GTF2F2: variants seen among roughly 807,000 people sequenced by gnomAD.
GTF2F2 encodes general transcription factor IIF subunit 2, also known as ATP-dependent helicase GTF2F2.
GTF2F2 carries 23 observed loss-of-function variants against 42.2 expected under a neutral mutation model. The ratio of observed to expected loss-of-function variants is 0.55; its 90% CI spans 0.39 to 0.77. GTF2F2 has a LOEUF of 0.77. Ranked by LOEUF, GTF2F2 falls within the 30% of genes least tolerant of loss-of-function variation. The pLI is 0.00. For synonymous variants in GTF2F2, 105 were observed against 100.8 expected, an observed-to-expected ratio of 1.04 and a Z score of -0.25; for missense variants, 261 against 287.2, an observed-to-expected ratio of 0.91 and a Z score of 0.66.
At chr13:45,262,772 C>T (rs1010373004) in intron 6 of GTF2F2, among the ~76,000 whole-genome samples, 2 of 152,020 alleles carry the variant, frequency 1.3e-5, no homozygotes, top group African/African-American at 4.8e-5. Context: ...GACAGAATCT[C>T]ACTCTGTTGC....
intron 4 of GTF2F2, among the ~76,000 whole-genome samples, chr13:45,161,493 GA>G (rs1475564331): frequency 6.6e-6 from 1 of 152,168 alleles, no homozygotes; most frequent in Non-Finnish European, 1.5e-5. Flanking sequence ...CTTCTTAGGG[GA>G]ACCTCATGCG....
At chr13:45,149,408 G>A (rs1371615905) in intron 2 of GTF2F2, among the ~76,000 whole-genome samples, 1 of 147,680 alleles carries the variant, frequency 6.8e-6, no homozygotes, top group Non-Finnish European at 1.5e-5. Context: ...GGGCCACTGT[G>A]GTTGATAGAG....
intron 1 of GTF2F2, among the ~76,000 whole-genome samples, chr13:45,135,041 C>T (rs913239370): frequency 2.0e-4 from 31 of 152,010 alleles, no homozygotes; most frequent in African/African-American, 7.3e-4. Flanking sequence ...GCAACCTCCA[C>T]CTCCTGGGTT....
intron 4 of GTF2F2, among the ~76,000 whole-genome samples, chr13:45,192,593 T>C (rs1872704391): frequency 6.6e-6 from 1 of 152,206 alleles, no homozygotes; most frequent in Non-Finnish European, 1.5e-5. Flanking sequence ...ACAAGTGAAA[T>C]GATTTAGCTG....
chr13:45,190,683 G>T (rs1423191294), intron 4 of GTF2F2, among the ~76,000 whole-genome samples: 2 of 152,114 alleles, frequency 1.3e-5, no homozygotes, highest in Non-Finnish European at 2.9e-5. Flanking sequence ...CTTAATAAAT[G>T]TTAGCTTTTT....
intron 5 of GTF2F2, among the ~76,000 whole-genome samples, chr13:45,210,818 A>G (rs977449544): frequency 6.6e-6 from 1 of 152,198 alleles, no homozygotes; most frequent in Non-Finnish European, 1.5e-5. Context: ...GAAAAATTTT[A>G]AGCTGGGTGG....
rs1361921812 is a variant in GTF2F2, at chr13:45,284,491, C to T, written c.*930C>T. The T allele has an allele frequency of 6.6e-6, 1 of 152,052 alleles. No individual in the cohort carries two copies. Among genetic ancestry groups the T allele is most frequent in the African/African-American group, 2.4e-5 (1 of 41,390 alleles). The allele number at this position is 152,052 out of a possible 1,614,324, so 9.4% of individuals were successfully genotyped here. A position where few individuals can be genotyped will look rare whatever the true frequency, so the allele number is the denominator to read the frequency against. On this transcript the variant is annotated 3_prime_UTR_variant, in exon 8 of 8. Transcript: ENST00000340473. ...ACATGTATATGTTAGTTTTTTCTAG[C>T]ACAACACAATATTATATATTAAGCG...
Position 45,283,628 on chromosome 13 carries a change from G to A in GTF2F2, c.*67G>A. ...ATGCTATGCAAAAGGCGCTGATACT[G>A]GAAGGCTTGAACACCGTATGTTAAT... On this transcript the variant is annotated 3_prime_UTR_variant, in exon 8 of 8. Transcript: ENST00000340473. 3.5e-6 allele frequency: 5 copies of A among 1,438,630 alleles called. No individual in the cohort carries two copies. Among genetic ancestry groups the A allele is most frequent in the Non-Finnish European group, 4.6e-6 (5 of 1,075,610 alleles). 89.1% of individuals were successfully genotyped at this position (1,438,630 alleles called of 1,614,324 possible).
In GTF2F2 at chr13:45,181,196, A is replaced by C. The variant is rs569976545; in HGVS notation, c.305-26228A>C. Among the ~76,000 whole-genome samples, 51 of 151,058 alleles carry C rather than the reference A, an allele frequency of 3.4e-4. 1 individual carries two copies. The highest frequency in any genetic ancestry group is 1.0e-3 in the African/African-American group (41 of 40,988). ...GACAAAAAAACAAACAAACAAAAAAAAAAAAAACCAGAAAAACCAAAGGTG... is the reference window on the plus strand; with the variant it reads ...GACAAAAAAACAAACAAACAAAAAACAAAAAAACCAGAAAAACCAAAGGTG... On this transcript the variant is annotated intron_variant, in intron 4 of 7. Transcript: ENST00000340473.
intron 7 of GTF2F2, among the ~76,000 whole-genome samples, chr13:45,274,647 G>C (rs1688570369): frequency 6.6e-6 from 1 of 152,088 alleles, no homozygotes; most frequent in African/African-American, 2.4e-5. Context: ...CTTTCTTAAA[G>C]TGTGTAGTTC....
chr13:45,228,976 C>T (rs1874527835), intron 5 of GTF2F2, among the ~76,000 whole-genome samples: 1 of 151,942 alleles, frequency 6.6e-6, no homozygotes, highest in Non-Finnish European at 1.5e-5. Flanking sequence ...AACCAATCCT[C>T]ATTTTTAAAT....
intron 4 of GTF2F2, among the ~76,000 whole-genome samples, chr13:45,167,048 C>T (rs1428657901): frequency 6.6e-6 from 1 of 151,554 alleles, no homozygotes; most frequent in Non-Finnish European, 1.5e-5. Flanking sequence ...GTGGCCAGCA[C>T]ACTTTGAAAG....
intron 2 of GTF2F2, among the ~76,000 whole-genome samples, chr13:45,148,265 T>C (rs1242637225): frequency 6.6e-6 from 1 of 152,250 alleles, no homozygotes; most frequent in Non-Finnish European, 1.5e-5. Context: ...TAGGAAATGT[T>C]TGTACTTGTT....
chr13:45,204,625 A>G (rs750882659), intron 4 of GTF2F2, among the ~76,000 whole-genome samples: 1 of 152,220 alleles, frequency 6.6e-6, no homozygotes, highest in Non-Finnish European at 1.5e-5. Context: ...TGGAAAGAAT[A>G]TGAGAATGTG....
intron 5 of GTF2F2, among the ~76,000 whole-genome samples, chr13:45,249,691 C>G (rs1005972960): frequency 1.3e-5 from 2 of 152,184 alleles, no homozygotes; most frequent in African/African-American, 4.8e-5. Context: ...TGCATGCCTC[C>G]TTCCTTGGAT....
intron 7 of GTF2F2, among the ~76,000 whole-genome samples, chr13:45,270,366 A>AT (rs1876739568): frequency 6.6e-6 from 1 of 152,116 alleles, no homozygotes; most frequent in Non-Finnish European, 1.5e-5. Flanking sequence ...AAGCTGGGCA[A>AT]TTTTTAAAGC....
chr13:45,183,891 G>A (rs780354489), intron 4 of GTF2F2, among the ~76,000 whole-genome samples: 1 of 151,452 alleles, frequency 6.6e-6, no homozygotes, highest in South Asian at 2.1e-4. Flanking sequence ...AGTCTTTCTT[G>A]GTCACCCAGG....
At chr13:45,166,004 G>A (rs1473457585) in intron 4 of GTF2F2, among the ~76,000 whole-genome samples, 1 of 151,714 alleles carries the variant, frequency 6.6e-6, no homozygotes, top group Admixed American at 6.6e-5. Flanking sequence ...AGTAGAGACG[G>A]GGTTTCACCA....
At chr13:45,209,194 T>C (rs891207400) in intron 5 of GTF2F2, among the ~76,000 whole-genome samples, 2 of 152,222 alleles carry the variant, frequency 1.3e-5, no homozygotes, top group African/African-American at 2.4e-5. Context: ...TATAAGGACA[T>C]TTGGTGGTCT....
Sources: allele counts gnomAD v4.1 joint callset (sites outside exome capture counted in the v4.1 genomes callset), GRCh38; gene constraint gnomAD v4.1.1; transcripts MANE v1.5; gene names NCBI Gene and HGNC (gene_info 2026-07-23, HGNC 2026-07-21).